Variants in MAD1L1 observed in about 807,000 individuals in gnomAD.
The protein encoded by MAD1L1 is mitotic spindle assembly checkpoint protein MAD1.
In MAD1L1, 95 loss-of-function variants were observed where a neutral mutation model predicts 96.9. That is an observed-to-expected ratio of 0.98 (90% CI 0.83 to 1.16). The LOEUF is 1.16. Among genes scored for constraint, MAD1L1 ranks in the 50% most tolerant of loss-of-function variants. MAD1L1 has a pLI of 0.00. For missense variants in MAD1L1, 1,007 were observed against 954.4 expected, an observed-to-expected ratio of 1.06 and a Z score of -0.73; for synonymous variants, 473 against 396.6, an observed-to-expected ratio of 1.19 and a Z score of -2.29.
Position 2,142,506 on chromosome 7 carries a change from T to C in MAD1L1, c.1073+6646A>G, listed in dbSNP as rs1789088246. Among the ~76,000 whole-genome samples the C allele has an allele frequency of 6.6e-6, 1 of 152,210 alleles. No homozygotes were observed. Among genetic ancestry groups the C allele is most frequent in the Non-Finnish European group, 1.5e-5 (1 of 68,018 alleles). On this transcript the variant is annotated intron_variant, in intron 11 of 18. Coordinates refer to ENST00000265854, the MANE Select transcript of MAD1L1 (RefSeq NM_001013836.2). The surrounding 1 kb of genome is among the most constrained non-coding windows in gnomAD (Gnocchi z 4.7). Reference sequence around the variant, plus strand: ...GGATACAGACAGATCACGCGGGTTCTCTGCTGCCGGACGGAGCGCCCCTAG... The same window carrying C: ...GGATACAGACAGATCACGCGGGTTCCCTGCTGCCGGACGGAGCGCCCCTAG...
intron 10 of MAD1L1, among the ~76,000 whole-genome samples, chr7:2,163,103 T>A (rs1391976421): frequency 6.6e-6 from 1 of 152,234 alleles, no homozygotes; most frequent in Non-Finnish European, 1.5e-5. Context: ...TTATTTTTCA[T>A]CAGCTTCCAT....
chr7:2,150,658 G>T (rs1229379728), intron 10 of MAD1L1, among the ~76,000 whole-genome samples: 2 of 152,210 alleles, frequency 1.3e-5, no homozygotes, highest in Admixed American at 6.5e-5. Flanking sequence ...TTTCTGGAGT[G>T]TCTTCCATCA....
chr7:1,843,073 G>A lies in MAD1L1; in HGVS notation c.1999-26845C>T, dbSNP rs76309819. 1.9e-3 allele frequency among the ~76,000 whole-genome samples: 291 copies of A among 152,280 alleles called. 4 individuals carry two copies. The East Asian group carries it at 0.053, about 28-fold the overall frequency. ...TCCCTCTGGGGACCATCTGGAGGAC[G>A]GGGGCTAGAGAGCAGCCCTGGTCAT... On this transcript the variant is annotated intron_variant, in intron 18 of 18. Coordinates refer to ENST00000265854, the MANE Select transcript of MAD1L1 (RefSeq NM_001013836.2).
At chr7:2,085,446 C>A (rs951005890) in intron 11 of MAD1L1, among the ~76,000 whole-genome samples, 3 of 152,228 alleles carry the variant, frequency 2.0e-5, no homozygotes, top group African/African-American at 4.8e-5. Flanking sequence ...CCACCTGGTT[C>A]TCCCAGGGCA....
At chr7:2,028,623 A>G (rs546447013) in intron 12 of MAD1L1, among the ~76,000 whole-genome samples, 1 of 152,282 alleles carries the variant, frequency 6.6e-6, no homozygotes, top group East Asian at 1.9e-4. Flanking sequence ...GAGCCAGGGC[A>G]GCCCTGATGC....
intron 12 of MAD1L1, among the ~76,000 whole-genome samples, chr7:2,046,391 C>CTGT: frequency 6.6e-6 from 1 of 152,316 alleles, no homozygotes; most frequent in African/African-American, 2.4e-5. Context: ...CCTCCTCCTC[C>CTGT]CAGGCCCGGC....
chr7:1,909,422 C>T lies in MAD1L1; in HGVS notation c.1808-11032G>A, dbSNP rs1045403053. 3.9e-5 allele frequency among the ~76,000 whole-genome samples: 6 copies of T among 152,252 alleles called. No homozygotes were observed. In the East Asian group the frequency reaches 5.8e-4, roughly 15 times the overall value. ...CATTTTTAAATATTTAATAATTAGG[C>T]ATCAAATATTGATGCAATTTTATTA... On this transcript the variant is annotated intron_variant, in intron 17 of 18. Coordinates refer to ENST00000265854, the MANE Select transcript of MAD1L1 (RefSeq NM_001013836.2).
chr7:1,936,641 C>T, intron 17 of MAD1L1, 46 bp downstream of exon 17: 1 of 1,519,698 alleles, frequency 6.6e-7, no homozygotes, highest in Non-Finnish European at 8.9e-7. Context: ...TGGACCTACC[C>T]ACGGAAGGTC....
intron 14 of MAD1L1, among the ~76,000 whole-genome samples, chr7:1,981,411 G>A (rs1158318295): frequency 6.6e-6 from 1 of 152,168 alleles, no homozygotes; most frequent in Non-Finnish European, 1.5e-5. Context: ...GCAGGCTGGC[G>A]CAGGCTGAGG....
At chr7:1,989,582 G>A (rs995404159) in intron 14 of MAD1L1, among the ~76,000 whole-genome samples, 7 of 152,208 alleles carry the variant, frequency 4.6e-5, no homozygotes, top group Admixed American at 4.6e-4. Flanking sequence ...ACAGGTGTGG[G>A]GACCCTGGGA....
chr7:2,092,487 C>T (rs191070957), intron 11 of MAD1L1, among the ~76,000 whole-genome samples: 87 of 152,246 alleles, frequency 5.7e-4, no homozygotes, highest in African/African-American at 2.0e-3. Flanking sequence ...AACCACGCCC[C>T]GCCTAAGCAT....
At chr7:2,161,185 T>TCGACTCACTGCAACCTCC (rs1790099569) in intron 10 of MAD1L1, among the ~76,000 whole-genome samples, 1 of 133,728 alleles carries the variant, frequency 7.5e-6, no homozygotes, top group East Asian at 2.3e-4. Context: ...TGCCGCCATC[T>TCGACTCACTGCAACCTCC]CGACTCACTG....
chr7:2,154,671 T>C (rs2128583743), intron 10 of MAD1L1, among the ~76,000 whole-genome samples: 1 of 152,314 alleles, frequency 6.6e-6, no homozygotes, highest in African/African-American at 2.4e-5. Flanking sequence ...ATGGGCTCTC[T>C]GGGGATGAAG....
At chr7:2,038,788 A>G (rs1357046573) in intron 12 of MAD1L1, among the ~76,000 whole-genome samples, 1 of 152,044 alleles carries the variant, frequency 6.6e-6, no homozygotes, top group Non-Finnish European at 1.5e-5. Flanking sequence ...AAGTGCTGGG[A>G]TTCCATGCAT....
At chr7:2,051,536 C>T (rs968421876) in intron 12 of MAD1L1, among the ~76,000 whole-genome samples, 2 of 152,158 alleles carry the variant, frequency 1.3e-5, no homozygotes, top group East Asian at 1.9e-4. Context: ...ATGTTAGAAA[C>T]TCACACTTAA....
intron 17 of MAD1L1, among the ~76,000 whole-genome samples, chr7:1,932,223 T>G (rs2098403471): frequency 6.6e-6 from 1 of 152,132 alleles, no homozygotes; most frequent in Non-Finnish European, 1.5e-5. Flanking sequence ...TCCCCAGGCC[T>G]AAGGCTTCCT....
At chr7:1,901,864 T>A (rs1787265860) in intron 17 of MAD1L1, among the ~76,000 whole-genome samples, 1 of 152,158 alleles carries the variant, frequency 6.6e-6, no homozygotes, top group Non-Finnish European at 1.5e-5. Flanking sequence ...CCCCTCTGCC[T>A]AGATACCGGC....
chr7:2,003,122 T>G (rs1403145328), intron 13 of MAD1L1, among the ~76,000 whole-genome samples: 1 of 5,210 alleles, frequency 1.9e-4, no homozygotes, highest in Non-Finnish European at 3.9e-4. Context: ...TGGTGGGGTG[T>G]GGGATCTGCG....
chr7:1,862,211 G>C (rs59456857), intron 18 of MAD1L1, among the ~76,000 whole-genome samples: 3 of 152,182 alleles, frequency 2.0e-5, no homozygotes, highest in Non-Finnish European at 2.9e-5. Flanking sequence ...CTCCGGGTTG[G>C]TCTCCTCAGC....
Sources: allele counts gnomAD v4.1 joint callset (sites outside exome capture counted in the v4.1 genomes callset), GRCh38; gene constraint gnomAD v4.1.1; non-coding constraint Gnocchi (gnomAD v3.1); transcripts MANE v1.5; gene names NCBI Gene and HGNC (gene_info 2026-07-23, HGNC 2026-07-21).